The following SNX29 variants were observed in gnomAD, a reference collection of about 807,000 sequenced individuals.
The protein encoded by SNX29 is sorting nexin 29, also known as sorting nexin-29.
A neutral mutation model predicts 102.1 loss-of-function variants in SNX29; 78 were observed. That is an observed-to-expected ratio of 0.76 (90% confidence interval 0.64 to 0.92). The LOEUF is 0.92. SNX29 is among the 40% of genes least tolerant of loss of function. The pLI is 0.00. For missense variants in SNX29, 1,280 were observed against 1,061.7 expected (o/e 1.21, Z -2.86); for synonymous variants, 580 against 414.5 (o/e 1.40, Z -4.85).
intron 20 of SNX29, among the ~76,000 whole-genome samples, chr16:12,544,301 A>G (rs1278946608): frequency 3.3e-5 from 5 of 152,222 alleles, no homozygotes; most frequent in African/African-American, 4.8e-5. Flanking sequence ...TCCAGGCCAC[A>G]GGGGAAGGTG....
At chr16:12,560,112 G>A (rs1355235610) in intron 20 of SNX29, among the ~76,000 whole-genome samples, 6 of 151,654 alleles carry the variant, frequency 4.0e-5, no homozygotes, top group Admixed American at 1.3e-4. Flanking sequence ...GAGTTGACAA[G>A]CTATTCTAGT....
At chr16:11,984,358 C>G (rs1351816766) in intron 1 of SNX29, among the ~76,000 whole-genome samples, 1 of 132,550 alleles carries the variant, frequency 7.5e-6, no homozygotes, top group African/African-American at 2.9e-5. Context: ...AGAGCCAGAC[C>G]CCTCAGACCC....
intron 20 of SNX29, among the ~76,000 whole-genome samples, chr16:12,564,438 A>AG (rs2078904139): frequency 6.6e-6 from 1 of 152,204 alleles, no homozygotes; most frequent in African/African-American, 2.4e-5. Context: ...CTCATTTCAC[A>AG]GATCAGAAAG....
intron 13 of SNX29, among the ~76,000 whole-genome samples, chr16:12,160,475 A>T (rs1328390558): frequency 1.3e-5 from 2 of 152,216 alleles, no homozygotes; most frequent in Non-Finnish European, 2.9e-5. Context: ...GTGTTATTAT[A>T]TCATTCCATT....
At chr16:12,293,741 A>G (rs1388439566) in intron 15 of SNX29, among the ~76,000 whole-genome samples, 1 of 152,224 alleles carries the variant, frequency 6.6e-6, no homozygotes, top group Non-Finnish European at 1.5e-5. Flanking sequence ...AAAATAAAGT[A>G]CAAAGGATCT....
At chr16:12,136,060 C>T (rs2054647630) in intron 13 of SNX29, among the ~76,000 whole-genome samples, 1 of 152,252 alleles carries the variant, frequency 6.6e-6, no homozygotes, top group Non-Finnish European at 1.5e-5. Flanking sequence ...GACTTCGCTT[C>T]TTGTGTCTCA....
At chr16:12,152,476 T>C (rs76941925) in intron 13 of SNX29, among the ~76,000 whole-genome samples, 1,856 of 152,248 alleles carry the variant, frequency 0.012, 50 homozygotes, top group African/African-American at 0.043. Context: ...GGGCTTTGCA[T>C]TGGGGTCTTT....
intron 14 of SNX29, among the ~76,000 whole-genome samples, chr16:12,272,385 T>G: frequency 6.6e-6 from 1 of 152,194 alleles, no homozygotes; most frequent in African/African-American, 2.4e-5. Flanking sequence ...AAGAGATCAT[T>G]TGGAGTCACG....
At chr16:12,312,869 A>C (rs375674794) in intron 15 of SNX29, among the ~76,000 whole-genome samples, 7 of 152,202 alleles carry the variant, frequency 4.6e-5, no homozygotes, top group African/African-American at 1.7e-4. Context: ...AACCAGTTCT[A>C]CCTCATCCTG....
At chr16:12,165,867 C>G (rs980738920) in intron 13 of SNX29, among the ~76,000 whole-genome samples, 1 of 152,220 alleles carries the variant, frequency 6.6e-6, no homozygotes, top group Non-Finnish European at 1.5e-5. Flanking sequence ...CCCGGCCAGA[C>G]TTTGATTCCC....
intron 14 of SNX29, among the ~76,000 whole-genome samples, chr16:12,224,582 T>C (rs1352622584): frequency 6.6e-6 from 1 of 151,858 alleles, no homozygotes; most frequent in African/African-American, 2.4e-5. Flanking sequence ...GGGTTGAAGG[T>C]TGAGTATGAG....
At chr16:12,460,446 T>C (rs980873848) in intron 18 of SNX29, among the ~76,000 whole-genome samples, 2 of 152,308 alleles carry the variant, frequency 1.3e-5, no homozygotes, top group East Asian at 3.9e-4. Flanking sequence ...TCCTTCTATA[T>C]TTTTAGCTTG....
chr16:11,983,235 ATTTTTT>A (rs557542669), intron 1 of SNX29, among the ~76,000 whole-genome samples: 5,963 of 129,512 alleles, frequency 0.046, 120 homozygotes, highest in Non-Finnish European at 0.052. Context: ...CTGGGTTACA[ATTTTTT>A]TTTTTTTTTT....
intron 19 of SNX29, among the ~76,000 whole-genome samples, chr16:12,486,745 G>A (rs1032446294): frequency 6.6e-6 from 1 of 152,156 alleles, no homozygotes; most frequent in South Asian, 2.1e-4. Flanking sequence ...AGCAGGGGGC[G>A]GGTGAGGAGG....
intron 19 of SNX29, among the ~76,000 whole-genome samples, chr16:12,480,563 G>A (rs990418632): frequency 6.6e-6 from 1 of 152,158 alleles, no homozygotes; most frequent in East Asian, 1.9e-4. Flanking sequence ...GTCATGTGAG[G>A]TTCTGGGGAT....
intron 14 of SNX29, among the ~76,000 whole-genome samples, chr16:12,250,035 C>A (rs1180955582): frequency 1.3e-5 from 2 of 152,142 alleles, no homozygotes; most frequent in Non-Finnish European, 1.5e-5. Context: ...TTGGGGAGCT[C>A]CAGTGCCAGG....
At chr16:12,486,061 G>A (rs2088213603) in intron 19 of SNX29, among the ~76,000 whole-genome samples, 1 of 152,228 alleles carries the variant, frequency 6.6e-6, no homozygotes, top group East Asian at 1.9e-4. Flanking sequence ...GAAGGCGTCA[G>A]CGAGGCTGCA....
At chr16:12,357,163 C>T (rs1178010215) in intron 16 of SNX29, among the ~76,000 whole-genome samples, 1 of 152,146 alleles carries the variant, frequency 6.6e-6, no homozygotes, top group Non-Finnish European at 1.5e-5. Context: ...GTAAAATGCC[C>T]ACATTCAGGC....
intron 20 of SNX29, among the ~76,000 whole-genome samples, chr16:12,544,505 G>A (rs1353859137): frequency 6.6e-6 from 1 of 152,176 alleles, no homozygotes; most frequent in Non-Finnish European, 1.5e-5. Flanking sequence ...GGTCTAGATG[G>A]CATTTTTCTG....
Sources: gnomAD v4.1 joint callset for allele counts (sites outside exome capture counted in the v4.1 genomes callset) on GRCh38, gnomAD v4.1.1 for gene constraint, MANE v1.5 for transcripts, NCBI Gene and HGNC (gene_info 2026-07-23, HGNC 2026-07-21) for gene names.